SPINK6: variants seen among roughly 807,000 people sequenced by gnomAD.
The protein encoded by SPINK6 is serine protease inhibitor Kazal-type 6.
Under a neutral mutation model 11.7 loss-of-function variants are expected in SPINK6, and 13 were observed. The ratio of observed to expected loss-of-function variants is 1.11; its 90% confidence interval spans 0.72 to 1.76. The LOEUF is 1.76. SPINK6 is among the 40% of genes most tolerant of loss of function. The pLI is 0.00. For synonymous variants in SPINK6, 21 were observed against 31.9 expected (o/e 0.66, Z 1.15); for missense variants, 98 against 93.7 (o/e 1.05, Z -0.19).
intron 2 of SPINK6, among the ~76,000 whole-genome samples, chr5:148,213,546 T>C (rs1755642793): frequency 6.6e-6 from 1 of 152,108 alleles, no homozygotes; most frequent in Admixed American, 6.5e-5. Flanking sequence ...AGCACATTAA[T>C]ATGATGTTTA....
At position 148,215,093 on chromosome 5, in the gene SPINK6, A is replaced by G. The variant is rs529804634; in HGVS notation, c.*143A>G. ...GTCTTGAGGAGTTCAATGTATGTCT[A>G]TTTCTCTTGATTCACTTGTCAATAA... On this transcript the variant is annotated 3_prime_UTR_variant, in exon 4 of 4. Coordinates refer to ENST00000325630, the MANE Select transcript of SPINK6 (RefSeq NM_205841.4). The G allele has an allele frequency of 6.5e-6, 4 of 619,322 alleles. No individual in the cohort carries two copies. In the Admixed American group the frequency reaches 1.2e-4, roughly 19 times the overall value. 38.4% of individuals were successfully genotyped at this position (619,322 alleles called of 1,614,324 possible).
chr5:148,210,882 CT>C (rs1320907952), intron 2 of SPINK6, among the ~76,000 whole-genome samples: 1 of 152,004 alleles, frequency 6.6e-6, no homozygotes, highest in African/African-American at 2.4e-5. Flanking sequence ...GGAAGCCAAG[CT>C]TGGTAGCAAT....
chr5:148,208,634 A>C (rs566811219), intron 2 of SPINK6, among the ~76,000 whole-genome samples: 2 of 152,220 alleles, frequency 1.3e-5, no homozygotes, highest in African/African-American at 4.8e-5. Context: ...TATTCCAGTA[A>C]AATTTTCCCT....
chr5:148,208,355 G>C (rs1205018380), intron 2 of SPINK6, among the ~76,000 whole-genome samples: 1 of 152,132 alleles, frequency 6.6e-6, no homozygotes, highest in Non-Finnish European at 1.5e-5. Flanking sequence ...ATGCCTGGAG[G>C]GAGGGTGGAA....
chr5:148,207,570 C>T (rs1262938508), intron 2 of SPINK6, among the ~76,000 whole-genome samples: 1 of 152,142 alleles, frequency 6.6e-6, no homozygotes, highest in East Asian at 1.9e-4. Context: ...GTGCCTCATG[C>T]CTGTAATCCC....
chr5:148,214,202 ACT>A (rs1449443489), intron 3 of SPINK6, among the ~76,000 whole-genome samples, 177 bp downstream of exon 3: 4 of 152,238 alleles, frequency 2.6e-5, no homozygotes, highest in African/African-American at 9.6e-5. Context: ...AACATTACAT[ACT>A]AAATTATTTG....
chr5:148,205,674 C>T (rs1390111566), intron 1 of SPINK6, among the ~76,000 whole-genome samples: 1 of 152,074 alleles, frequency 6.6e-6, no homozygotes, highest in African/African-American at 2.4e-5. Context: ...GGATACTTTC[C>T]AATTCAACTT....
At chr5:148,213,122 A>G (rs1755634813) in intron 2 of SPINK6, among the ~76,000 whole-genome samples, 1 of 151,858 alleles carries the variant, frequency 6.6e-6, no homozygotes, top group Non-Finnish European at 1.5e-5. Flanking sequence ...GAGCTTATGG[A>G]TGGATATTGC....
intron 2 of SPINK6, among the ~76,000 whole-genome samples, chr5:148,211,653 C>T (rs1007045309): frequency 3.3e-5 from 5 of 152,164 alleles, no homozygotes; most frequent in South Asian, 2.1e-4. Flanking sequence ...CAGTCAATGG[C>T]GGAACAGGTT....
At position 148,210,007 on chromosome 5, in the gene SPINK6, C is replaced by CATACACACGTACGTATTT. The variant is rs1554112271; in HGVS notation, c.82-3901_82-3900insACACACGTACGTATTTAT. Among the ~76,000 whole-genome samples the CATACACACGTACGTATTT allele has an allele frequency of 5.7e-5, 6 of 105,736 alleles. 1 individual carries two copies. The highest frequency in any genetic ancestry group is 3.0e-4 in the South Asian group (1 of 3,328). 69.4% of individuals were successfully genotyped at this position (105,736 alleles called of 152,430 possible). ...ATGTATACATATACACGTATGTATACATGTATGTACGCATGTACGCATGCA... is the reference window on the plus strand; with the variant it reads ...ATGTATACATATACACGTATGTATACATACACACGTACGTATTTATGTATGTACGCATGTACGCATGCA... On this transcript the variant is annotated intron_variant, in intron 2 of 3. Transcript: ENST00000325630.
intron 2 of SPINK6, among the ~76,000 whole-genome samples, chr5:148,212,663 TA>T (rs1755625269): frequency 9.6e-6 from 1 of 104,462 alleles, no homozygotes; most frequent in African/African-American, 4.4e-5. Flanking sequence ...TATATTTATA[TA>T]TTTATATAAT....
At chr5:148,213,345 C>T (rs1416874568) in intron 2 of SPINK6, among the ~76,000 whole-genome samples, 3 of 151,924 alleles carry the variant, frequency 2.0e-5, no homozygotes, top group Non-Finnish European at 2.9e-5. Context: ...CCGAGGTGCC[C>T]GCCACCACAC....
At position 148,203,132 on chromosome 5, in the gene SPINK6, G is replaced by A. The variant is rs1338720385; in HGVS notation, c.36G>A (p.Leu12=). The change falls in exon 1 of 4, where the codon CTG becomes CTA. Residue 12 remains leucine (L), a synonymous_variant. Coordinates refer to ENST00000325630, the MANE Select transcript of SPINK6 (RefSeq NM_205841.4). ...KLSGMFLLLS[L]ALFCFLTGVF... is the part of the protein sequence containing the mutation. ...CAGGCATGTTTCTGCTCCTCTCTCTGGCTCTTTTCTGCTTTTTAACAGGTA... is the reference window on the plus strand; with the variant it reads ...CAGGCATGTTTCTGCTCCTCTCTCTAGCTCTTTTCTGCTTTTTAACAGGTA... 6.2e-7 allele frequency: 1 copy of A among 1,612,064 alleles called. No homozygotes were observed. The highest frequency in any genetic ancestry group is 2.2e-5 in the East Asian group (1 of 44,782).
chr5:148,208,219 A>G (rs1322239370), intron 2 of SPINK6, among the ~76,000 whole-genome samples: 3 of 152,068 alleles, frequency 2.0e-5, no homozygotes, highest in Admixed American at 2.0e-4. Context: ...TTCCTGCCCT[A>G]ACTGTCTGAA....
At chr5:148,207,358 T>C (rs1002783768) in intron 2 of SPINK6, among the ~76,000 whole-genome samples, 2 of 152,146 alleles carry the variant, frequency 1.3e-5, no homozygotes, top group Admixed American at 6.5e-5. Flanking sequence ...AGATTTTTTT[T>C]CTTACAAACA....
Position 148,209,979 on chromosome 5 carries a change from T to TGTATGTATACATATAC in SPINK6, c.81+3922_82-3915dup, listed in dbSNP as rs1474967291. On this transcript the variant is annotated intron_variant, in intron 2 of 3. Coordinates refer to ENST00000325630, the MANE Select transcript of SPINK6 (RefSeq NM_205841.4). ...ATATGTATACATACATACGTACGTA[T>TGTATGTATACATATAC]GTATGTATACATATACACGTATGTA... 9.8e-4 allele frequency among the ~76,000 whole-genome samples: 143 copies of TGTATGTATACATATAC among 145,606 alleles called. 16 individuals are homozygous for TGTATGTATACATATAC. The highest frequency in any genetic ancestry group is 3.5e-3 in the Middle Eastern group (1 of 286).
chr5:148,213,800 G>T, intron 2 of SPINK6, 110 bp from the exon 3 acceptor site: 1 of 623,908 alleles, frequency 1.6e-6, no homozygotes, highest in Non-Finnish European at 2.9e-6. Context: ...AATGCTTTAT[G>T]TCACAACTAT....
At chr5:148,214,329 GAT>G (rs1454497993) in intron 3 of SPINK6, among the ~76,000 whole-genome samples, 18 of 151,880 alleles carry the variant, frequency 1.2e-4, no homozygotes, top group Admixed American at 3.9e-4. Context: ...TAATAATTTT[GAT>G]ATGTTTTAAT....
intron 2 of SPINK6, among the ~76,000 whole-genome samples, chr5:148,212,591 T>G (rs10038197): frequency 4.7e-5 from 5 of 106,944 alleles, no homozygotes; most frequent in South Asian, 4.7e-4. Flanking sequence ...ATAAATATAT[T>G]TTATATAATA....
Sources: gnomAD v4.1 joint callset for allele counts (sites outside exome capture counted in the v4.1 genomes callset) on GRCh38, gnomAD v4.1.1 for gene constraint, MANE v1.5 for transcripts, NCBI Gene and HGNC (gene_info 2026-07-23, HGNC 2026-07-21) for gene names.